The following CCSER1 variants were observed in gnomAD, a reference collection of about 807,000 sequenced individuals.
CCSER1 encodes the protein coiled-coil serine rich protein 1.
CCSER1 carries 41 observed loss-of-function variants against 82.0 expected under a neutral mutation model. The ratio of observed to expected loss-of-function variants is 0.50; its 90% CI spans 0.39 to 0.65. CCSER1 has a LOEUF of 0.65. CCSER1 is among the 30% of genes least tolerant of loss of function. The probability of loss-of-function intolerance (pLI) is 0.00; values close to 1 mark genes in which losing one functional copy is unlikely to be tolerated. For synonymous variants in CCSER1, 414 were observed against 383.9 expected (o/e 1.08, Z -0.92); for missense variants, 1,119 against 1,064.2 (o/e 1.05, Z -0.72).
At chr4:90,965,038 T>C (rs2150384531) in intron 9 of CCSER1, among the ~76,000 whole-genome samples, 1 of 151,830 alleles carries the variant, frequency 6.6e-6, no homozygotes, top group Non-Finnish European at 1.5e-5. Flanking sequence ...ATTCCCAGAG[T>C]TTTATCAATA....
rs1253070385 is a variant in CCSER1 at position 91,604,937 on chromosome 4, T to C, written c.*5880T>C. 6.6e-6 allele frequency: 1 copy of C among 151,958 alleles called. No individual in the cohort carries two copies. Among genetic ancestry groups the C allele is most frequent in the African/African-American group, 2.4e-5 (1 of 41,438 alleles). 9.4% of individuals were successfully genotyped at this position (151,958 alleles called of 1,614,324 possible). On this transcript the variant is annotated 3_prime_UTR_variant, in exon 11 of 11. Transcript: ENST00000509176. ...AAAAAGAATGCAAGAGAATTGATTATCTTAGTTAGACCCCATTTTTAAGGA... is the reference window on the plus strand; with the variant it reads ...AAAAAGAATGCAAGAGAATTGATTACCTTAGTTAGACCCCATTTTTAAGGA...
chr4:91,528,767 G>A (rs1033712100), intron 10 of CCSER1, among the ~76,000 whole-genome samples: 1 of 152,078 alleles, frequency 6.6e-6, no homozygotes, highest in African/African-American at 2.4e-5. Flanking sequence ...CTTCAGTGCT[G>A]TTTACTTTGC....
chr4:90,156,301 T>A (rs1468559503), intron 1 of CCSER1, among the ~76,000 whole-genome samples: 1 of 152,212 alleles, frequency 6.6e-6, no homozygotes, highest in African/African-American at 2.4e-5. Flanking sequence ...AAGTATGTGG[T>A]CAATTTTGGA....
chr4:90,490,366 GTTGT>G (rs1341581858), intron 5 of CCSER1, among the ~76,000 whole-genome samples: 3 of 152,022 alleles, frequency 2.0e-5, no homozygotes, highest in Non-Finnish European at 2.9e-5. Flanking sequence ...TTTTGATGGG[GTTGT>G]TTGTTTTTTT....
At chr4:91,130,770 G>A (rs1477675029) in intron 10 of CCSER1, among the ~76,000 whole-genome samples, 2 of 151,426 alleles carry the variant, frequency 1.3e-5, no homozygotes, top group Non-Finnish European at 3.0e-5. Flanking sequence ...CTATCAGGAA[G>A]GAAATAACCA....
intron 3 of CCSER1, among the ~76,000 whole-genome samples, chr4:90,391,504 AATATATATATATAT>A (rs70963065): frequency 1.3e-5 from 1 of 79,416 alleles, no homozygotes; most frequent in East Asian, 4.7e-4. Context: ...ACAGTGGGTA[AATATATATATATAT>A]ATATATATAT....
chr4:91,293,019 A>G (rs1743870088), intron 10 of CCSER1, among the ~76,000 whole-genome samples: 1 of 152,046 alleles, frequency 6.6e-6, no homozygotes, highest in Non-Finnish European at 1.5e-5. Context: ...ATAAATTAAC[A>G]TTGAATTTTA....
intron 7 of CCSER1, among the ~76,000 whole-genome samples, chr4:90,811,995 C>CACACACACACATATATAT (rs367800484): frequency 0.026 from 3,674 of 142,734 alleles, 146 homozygotes; most frequent in African/African-American, 0.082. Context: ...TATATAAACA[C>CACACACACACATATATAT]ATATATATAT....
intron 5 of CCSER1, among the ~76,000 whole-genome samples, chr4:90,570,492 T>A (rs1779974565): frequency 6.6e-6 from 1 of 152,106 alleles, no homozygotes; most frequent in African/African-American, 2.4e-5. Context: ...CCTGCAGACA[T>A]ACCATGCAAT....
chr4:90,599,912 T>C (rs1783834151), intron 5 of CCSER1, among the ~76,000 whole-genome samples: 1 of 152,188 alleles, frequency 6.6e-6, no homozygotes, highest in African/African-American at 2.4e-5. Flanking sequence ...ACTGCTTAGT[T>C]TTCTGTCACT....
chr4:90,303,995 A>G (rs1197597849), intron 1 of CCSER1, among the ~76,000 whole-genome samples: 2 of 152,246 alleles, frequency 1.3e-5, no homozygotes, highest in Non-Finnish European at 2.9e-5. Context: ...GGCGAAGGAC[A>G]TGAACAGACA....
chr4:91,032,882 G>T (rs1741106256), intron 9 of CCSER1, among the ~76,000 whole-genome samples: 1 of 152,140 alleles, frequency 6.6e-6, no homozygotes, highest in Non-Finnish European at 1.5e-5. Context: ...TGCCAGTGTA[G>T]GTAGCTTGGG....
In CCSER1 at chr4:91,037,744, T is replaced by C. The variant is rs545234628; in HGVS notation, c.2173-48206T>C. Among the ~76,000 whole-genome samples, 52 of 152,082 alleles carry C rather than the reference T, an allele frequency of 3.4e-4. 1 individual carries two copies. The highest frequency in any genetic ancestry group is 1.1e-3 in the African/African-American group (46 of 41,568). ...AAATATGTATCTATATATCTTTTAA[T>C]CTATTCATTTATTTTTTAAAAATAT... On this transcript the variant is annotated intron_variant, in intron 9 of 10. Transcript: ENST00000509176.
intron 10 of CCSER1, among the ~76,000 whole-genome samples, chr4:91,366,157 T>G (rs533971130): frequency 2.0e-5 from 3 of 152,212 alleles, no homozygotes; most frequent in African/African-American, 7.2e-5. Flanking sequence ...TAGCTGGGAT[T>G]ACAGGCGCAC....
At chr4:90,131,848 G>GT (rs987462217) in intron 1 of CCSER1, among the ~76,000 whole-genome samples, 2 of 151,926 alleles carry the variant, frequency 1.3e-5, no homozygotes, top group Non-Finnish European at 2.9e-5. Flanking sequence ...AAACTTAGTT[G>GT]TTTTTTTCTT....
intron 10 of CCSER1, among the ~76,000 whole-genome samples, chr4:91,341,828 C>T (rs1028370222): frequency 5.3e-5 from 8 of 152,322 alleles, no homozygotes; most frequent in Admixed American, 5.2e-4. Context: ...TGAACCACCG[C>T]ACTTGGCCTA....
chr4:90,982,176 G>T (rs147823828), intron 9 of CCSER1, among the ~76,000 whole-genome samples: 7 of 151,908 alleles, frequency 4.6e-5, no homozygotes, highest in Admixed American at 4.6e-4. Context: ...CAAGATGCTG[G>T]CAGACTGGTA....
chr4:90,781,450 A>G, intron 7 of CCSER1: 1 of 985,292 alleles, frequency 1.0e-6, no homozygotes, highest in South Asian at 4.7e-5. Context: ...TTTAAAATCA[A>G]ATTTAATGAA....
intron 9 of CCSER1, among the ~76,000 whole-genome samples, chr4:90,985,026 C>T (rs1387993141): frequency 1.3e-5 from 2 of 151,696 alleles, no homozygotes; most frequent in African/African-American, 4.8e-5. Flanking sequence ...AATTGCCTGA[C>T]AGGTTTTGGA....
Sources: gnomAD v4.1 joint callset for allele counts (sites outside exome capture counted in the v4.1 genomes callset) on GRCh38, gnomAD v4.1.1 for gene constraint, MANE v1.5 for transcripts, NCBI Gene and HGNC (gene_info 2026-07-23, HGNC 2026-07-21) for gene names.